Variants in FMN1 observed in about 807,000 individuals in gnomAD.
FMN1 encodes the protein formin 1, also known as formin-1.
FMN1 carries 110 observed loss-of-function variants against 132.4 expected under a neutral mutation model. That is an observed-to-expected ratio of 0.83 (90% CI 0.71 to 0.97). FMN1 has a LOEUF of 0.97. Among genes scored for constraint, FMN1 ranks in the 50% least tolerant of loss-of-function variants. The pLI is 0.00. For synonymous variants in FMN1, 722 were observed against 651.7 expected, an observed-to-expected ratio of 1.11 and a Z score of -1.64; for missense variants, 1,792 against 1,705.3, an observed-to-expected ratio of 1.05 and a Z score of -0.90.
intron 7 of FMN1, among the ~76,000 whole-genome samples, chr15:32,972,604 T>C (rs571329041): frequency 2.6e-5 from 4 of 152,318 alleles, no homozygotes; most frequent in African/African-American, 9.6e-5. Context: ...TCTCCTTTTG[T>C]TCTCCTCCTA....
At chr15:33,082,035 GT>G (rs2038488696) in intron 5 of FMN1, among the ~76,000 whole-genome samples, 2 of 138,090 alleles carry the variant, frequency 1.4e-5, no homozygotes, top group African/African-American at 5.2e-5. Context: ...GTGTGTGTGT[GT>G]GTGTGTGTGT....
At chr15:33,065,149 C>A (rs2037665268) in intron 5 of FMN1, 75 bp from the exon 6 acceptor site, 1 of 955,466 alleles carries the variant, frequency 1.0e-6, no homozygotes, top group Non-Finnish European at 1.6e-6. Context: ...ACATGCTAAA[C>A]CTAATTCTGA....
At chr15:33,096,055 ACAATT>A (rs2039073795) in intron 4 of FMN1, among the ~76,000 whole-genome samples, 1 of 152,162 alleles carries the variant, frequency 6.6e-6, no homozygotes. Context: ...CATACACAAT[ACAATT>A]AAGAGACTGA....
intron 6 of FMN1, among the ~76,000 whole-genome samples, chr15:33,041,221 G>A (rs1046109237): frequency 9.2e-5 from 14 of 151,784 alleles, no homozygotes; most frequent in Non-Finnish European, 1.8e-4. Context: ...TACTTTTCGT[G>A]AAGAATACTT....
At chr15:32,804,095 G>A (rs934330776) in intron 18 of FMN1, among the ~76,000 whole-genome samples, 186 bp downstream of exon 18, 2 of 152,170 alleles carry the variant, frequency 1.3e-5, no homozygotes, top group African/African-American at 2.4e-5. Flanking sequence ...AAAGTAGAAC[G>A]GTGGTTGCCT....
chr15:33,172,141 G>C (rs947663229), intron 3 of FMN1, among the ~76,000 whole-genome samples: 3 of 151,924 alleles, frequency 2.0e-5, no homozygotes, highest in African/African-American at 7.3e-5. Context: ...CTGGAAGGCG[G>C]AGCTTGCAGT....
chr15:33,043,665 T>TG (rs1446711063), intron 6 of FMN1, among the ~76,000 whole-genome samples: 1 of 152,238 alleles, frequency 6.6e-6, no homozygotes, highest in African/African-American at 2.4e-5. Flanking sequence ...AAGGTACTGA[T>TG]GGCAGCGGCG....
chr15:32,848,131 T>C (rs948418457), intron 17 of FMN1, among the ~76,000 whole-genome samples: 2 of 151,980 alleles, frequency 1.3e-5, no homozygotes, highest in African/African-American at 2.4e-5. Context: ...AAAAAAAATA[T>C]GAGGAACAGG....
chr15:32,891,255 T>G (rs755320757), intron 15 of FMN1, among the ~76,000 whole-genome samples: 3 of 152,130 alleles, frequency 2.0e-5, no homozygotes, highest in Non-Finnish European at 4.4e-5. Context: ...AGTTTTAGAG[T>G]TCTTTTTCTT....
chr15:32,821,531 C>A (rs2058218496), intron 17 of FMN1, among the ~76,000 whole-genome samples: 1 of 145,028 alleles, frequency 6.9e-6, no homozygotes, highest in Non-Finnish European at 1.5e-5. Flanking sequence ...CGGCTCACTG[C>A]AACCTCTACC....
chr15:33,158,913 A>G (rs1375308781), intron 3 of FMN1, among the ~76,000 whole-genome samples: 4 of 152,194 alleles, frequency 2.6e-5, no homozygotes, highest in Non-Finnish European at 5.9e-5. Flanking sequence ...CAGGCCAGGC[A>G]TGGTGCCTCA....
chr15:32,774,015 G>C lies in FMN1; in HGVS notation c.*295C>G, dbSNP rs2056332893. 3 of 394,066 alleles carry C rather than the reference G, an allele frequency of 7.6e-6. No individual in the cohort carries two copies. Among genetic ancestry groups the C allele is most frequent in the Non-Finnish European group, 1.3e-5 (3 of 223,086 alleles). 24.4% of individuals were successfully genotyped at this position (394,066 alleles called of 1,614,324 possible). ...AAATCTCAGCTTTTAAAAAAATTTTGGAAACATTTTGGTATTTCTTCTGCT... is the reference window on the plus strand; with the variant it reads ...AAATCTCAGCTTTTAAAAAAATTTTCGAAACATTTTGGTATTTCTTCTGCT... On this transcript the variant is annotated 3_prime_UTR_variant, in exon 21 of 21. Transcript: ENST00000616417.
chr15:32,866,393 GA>G (rs1212395687), intron 16 of FMN1, among the ~76,000 whole-genome samples: 3 of 151,572 alleles, frequency 2.0e-5, no homozygotes, highest in Non-Finnish European at 4.4e-5. Context: ...ATAAACATGT[GA>G]AAAAAAAGCA....
chr15:32,941,523 A>AC (rs1388110033), intron 9 of FMN1, among the ~76,000 whole-genome samples: 3 of 152,226 alleles, frequency 2.0e-5, no homozygotes, highest in South Asian at 4.1e-4. Flanking sequence ...ACAGAGCACT[A>AC]CTTCAGCTAA....
intron 10 of FMN1, among the ~76,000 whole-genome samples, chr15:32,920,765 A>G (rs1024996646): frequency 6.6e-6 from 1 of 152,220 alleles, no homozygotes; most frequent in African/African-American, 2.4e-5. Context: ...GGTACAGCCA[A>G]AAGTCTTCTG....
chr15:33,121,584 A>G (rs769227724), intron 4 of FMN1, among the ~76,000 whole-genome samples: 3 of 152,168 alleles, frequency 2.0e-5, no homozygotes, highest in Admixed American at 2.0e-4. Flanking sequence ...GGTAGAGTGC[A>G]GTGGCGCAAT....
chr15:33,188,321 C>T (rs956623594), intron 2 of FMN1, among the ~76,000 whole-genome samples: 1 of 152,122 alleles, frequency 6.6e-6, no homozygotes, highest in African/African-American at 2.4e-5. Flanking sequence ...GCCTGGGCGA[C>T]AGAGGGAGAC....
chr15:32,785,218 A>ATATATATATATTTTTTTTTTT (rs1444523400), intron 19 of FMN1, among the ~76,000 whole-genome samples: 2 of 39,208 alleles, frequency 5.1e-5, no homozygotes, highest in Non-Finnish European at 4.5e-5. Flanking sequence ...ATATATATAT[A>ATATATATATATTTTTTTTTTT]TTTTTTTTTT....
At chr15:32,836,919 T>A (rs999752773) in intron 17 of FMN1, 1 of 177,694 alleles carries the variant, frequency 5.6e-6, no homozygotes, top group Admixed American at 5.9e-5. Flanking sequence ...TAACATTCCT[T>A]TATTTTTTCC....
Sources: allele counts gnomAD v4.1 joint callset (sites outside exome capture counted in the v4.1 genomes callset), GRCh38; gene constraint gnomAD v4.1.1; transcripts MANE v1.5; gene names NCBI Gene and HGNC (gene_info 2026-07-23, HGNC 2026-07-21).